NTPCR: variants seen among roughly 807,000 people sequenced by gnomAD.
The protein encoded by NTPCR is nucleoside-triphosphatase, cancer-related, also known as cancer-related nucleoside-triphosphatase.
NTPCR carries 15 observed loss-of-function variants against 19.5 expected under a neutral mutation model. That is an observed-to-expected ratio of 0.77 (90% CI 0.51 to 1.18). The LOEUF is 1.18. Among genes scored for constraint, NTPCR ranks in the 50% most tolerant of loss-of-function variants. The probability of loss-of-function intolerance (pLI) is 0.00; values close to 1 mark genes in which losing one functional copy is unlikely to be tolerated. For missense variants in NTPCR, 206 were observed against 240.4 expected (o/e 0.86, Z 0.95); for synonymous variants, 90 against 95.8 (o/e 0.94, Z 0.36).
intron 3 of NTPCR, chr1:232,966,902 C>T (rs142994387): frequency 3.9e-4 from 59 of 152,444 alleles, no homozygotes; most frequent in African/African-American, 1.3e-3. Flanking sequence ...AAGGGTGCTC[C>T]CCAGTTGGTG....
chr1:232,961,700 A>G (rs1404850387), intron 3 of NTPCR, among the ~76,000 whole-genome samples: 1 of 152,086 alleles, frequency 6.6e-6, no homozygotes, highest in Non-Finnish European at 1.5e-5. Flanking sequence ...TTTTACCTAT[A>G]TATTTCTTCT....
In NTPCR at chr1:232,955,684, G is replaced by A. The variant is rs765537393; in HGVS notation, c.162G>A (p.Thr54=). 9 of 1,614,016 alleles carry A rather than the reference G, an allele frequency of 5.6e-6. No individual in the cohort carries two copies. The Admixed American group carries it at 1.2e-4, about 21-fold the overall frequency. The change falls in exon 2 of 5, where the codon ACG becomes ACA. Residue 54 remains threonine (T), a synonymous_variant. Transcript: ENST00000366628. The part of the protein sequence containing the change: ...GGRRIGFDVV[T]LSGTRGPLSR... ...GAAGAATAGGATTCGATGTCGTCACGTTGTCCGGCACCCGGGGGCCTTTAT... is the reference window on the plus strand; with the variant it reads ...GAAGAATAGGATTCGATGTCGTCACATTGTCCGGCACCCGGGGGCCTTTAT...
intron 1 of NTPCR, among the ~76,000 whole-genome samples, chr1:232,954,748 G>A (rs1433055621): frequency 1.3e-5 from 2 of 152,206 alleles, no homozygotes; most frequent in Non-Finnish European, 2.9e-5. Context: ...CTGGCTCCAT[G>A]ACGTCAGTGA....
intron 4 of NTPCR, 73 bp from the exon 5 acceptor site, chr1:232,978,090 A>C: frequency 7.5e-7 from 1 of 1,334,846 alleles, no homozygotes; most frequent in Non-Finnish European, 1.1e-6. Context: ...CGTTTCTTTT[A>C]GAGAGTTACC....
chr1:232,955,216 A>C (rs1029130618), intron 1 of NTPCR, among the ~76,000 whole-genome samples: 1 of 152,190 alleles, frequency 6.6e-6, no homozygotes, highest in Admixed American at 6.5e-5. Context: ...ACTGTAAACC[A>C]TTTCACAGGA....
intron 4 of NTPCR, chr1:232,977,261 A>C (rs1669150327): frequency 6.6e-6 from 1 of 150,866 alleles, no homozygotes; most frequent in Non-Finnish European, 1.5e-5. Flanking sequence ...TGCCCCCCAG[A>C]CTCCTTCATT....
chr1:232,969,486 T>A (rs1473907089), intron 3 of NTPCR: 3 of 180,566 alleles, frequency 1.7e-5, no homozygotes, highest in African/African-American at 7.0e-5. Context: ...TCTAGGTAGA[T>A]GTTTGTGTAT....
intron 4 of NTPCR, among the ~76,000 whole-genome samples, chr1:232,972,836 C>T (rs1490063165): frequency 6.6e-6 from 1 of 152,166 alleles, no homozygotes; most frequent in Non-Finnish European, 1.5e-5. Flanking sequence ...TTTGAGAGTG[C>T]CCTTCACATT....
At chr1:232,976,819 A>G in intron 4 of NTPCR, 1 of 290,550 alleles carries the variant, frequency 3.4e-6, no homozygotes, top group South Asian at 6.0e-5. Context: ...AGCTTCTGGC[A>G]CTTGCTGCGT....
chr1:232,956,863 CT>C (rs1487110802), intron 3 of NTPCR, among the ~76,000 whole-genome samples: 1 of 151,852 alleles, frequency 6.6e-6, no homozygotes, highest in Non-Finnish European at 1.5e-5. Flanking sequence ...ATTATATTAC[CT>C]TTTTTAAAAA....
chr1:232,957,325 G>A (rs1181268796), intron 3 of NTPCR, among the ~76,000 whole-genome samples: 1 of 152,092 alleles, frequency 6.6e-6, no homozygotes, highest in Non-Finnish European at 1.5e-5. Context: ...ATGTGGGCTA[G>A]GTTTTTCTTG....
intron 1 of NTPCR, among the ~76,000 whole-genome samples, chr1:232,954,642 C>T (rs78451898): frequency 0.053 from 8,124 of 152,288 alleles, 272 homozygotes; most frequent in Middle Eastern, 0.13. Context: ...CTCAGTTTCT[C>T]CATCTGTAAA....
At chr1:232,971,514 G>A (rs1219610342) in intron 4 of NTPCR, among the ~76,000 whole-genome samples, 1 of 152,128 alleles carries the variant, frequency 6.6e-6, no homozygotes, top group Non-Finnish European at 1.5e-5. Flanking sequence ...TTGGAAAAAT[G>A]TATGCGCTTC....
intron 3 of NTPCR, chr1:232,969,623 C>T: frequency 3.2e-6 from 1 of 312,428 alleles, no homozygotes; most frequent in East Asian, 5.8e-5. Flanking sequence ...TTTCTCATGA[C>T]TTTATTCCAA....
intron 3 of NTPCR, chr1:232,966,633 G>T (rs1477770159): frequency 6.6e-6 from 1 of 152,228 alleles, no homozygotes; most frequent in Non-Finnish European, 1.5e-5. Context: ...CTAGGTGAGT[G>T]TAACCAAAGT....
chr1:232,978,358 A>C lies in NTPCR; in HGVS notation c.*127A>C, dbSNP rs892361302. 4.3e-6 allele frequency: 3 copies of C among 691,454 alleles called. No individual in the cohort carries two copies. The highest frequency in any genetic ancestry group is 5.6e-5 in the Admixed American group (2 of 35,952). The allele number at this position is 691,454 out of a possible 1,614,324, so 42.8% of individuals were successfully genotyped here. ...TTGTGGGCTTTTCTAGAGAAAACTCAACAGCTGTTTCCCATAAAATGTTTA... is the reference window on the plus strand; with the variant it reads ...TTGTGGGCTTTTCTAGAGAAAACTCCACAGCTGTTTCCCATAAAATGTTTA... On this transcript the variant is annotated 3_prime_UTR_variant, in exon 5 of 5. Transcript: ENST00000366628.
intron 3 of NTPCR, among the ~76,000 whole-genome samples, chr1:232,961,589 A>G (rs1668670342): frequency 6.6e-6 from 1 of 152,172 alleles, no homozygotes; most frequent in Non-Finnish European, 1.5e-5. Context: ...TAGCCTTTTT[A>G]TATTATTGAT....
Position 232,980,981 on chromosome 1 carries a change from C to T in NTPCR, c.*2750C>T, listed in dbSNP as rs916796900. On this transcript the variant is annotated 3_prime_UTR_variant, in exon 5 of 5. Coordinates refer to ENST00000366628, the MANE Select transcript of NTPCR (RefSeq NM_032324.3). Reference sequence around the variant, plus strand: ...TGGATATGAGTCTCAGGGAGGAATTCAATTTGAAAAGCACAGAATTAACAT... The same window carrying T: ...TGGATATGAGTCTCAGGGAGGAATTTAATTTGAAAAGCACAGAATTAACAT... 1.3e-5 allele frequency: 2 copies of T among 152,118 alleles called. No homozygotes were observed. Among genetic ancestry groups the T allele is most frequent in the African/African-American group, 4.8e-5 (2 of 41,424 alleles). 9.4% of individuals were successfully genotyped at this position (152,118 alleles called of 1,614,324 possible).
chr1:232,955,351 A>G (rs1668479984), intron 1 of NTPCR, among the ~76,000 whole-genome samples: 1 of 152,208 alleles, frequency 6.6e-6, no homozygotes, highest in African/African-American at 2.4e-5. Flanking sequence ...TGTTTTTATT[A>G]TGCTTGTTTC....
Sources: allele counts gnomAD v4.1 joint callset (sites outside exome capture counted in the v4.1 genomes callset), GRCh38; gene constraint gnomAD v4.1.1; transcripts MANE v1.5; gene names NCBI Gene and HGNC (gene_info 2026-07-23, HGNC 2026-07-21).